GLI2: variants seen among roughly 807,000 people sequenced by gnomAD.
The protein encoded by GLI2 is GLI family zinc finger 2, also known as transcription activator GLI2.
In GLI2, 22 loss-of-function variants were observed where a neutral mutation model predicts 78.9. The ratio of observed to expected loss-of-function variants is 0.28; its 90% CI spans 0.20 to 0.40. The LOEUF (loss-of-function observed/expected upper bound fraction) is 0.40. Among genes scored for constraint, GLI2 ranks in the 10% least tolerant of loss-of-function variants. The pLI is 1.00. For missense variants in GLI2, 2,097 were observed against 2,213.2 expected (o/e 0.95, Z 1.05); for synonymous variants, 974 against 963.7 (o/e 1.01, Z -0.20).
intron 2 of GLI2, among the ~76,000 whole-genome samples, chr2:120,810,510 A>T (rs529008602): frequency 6.6e-6 from 1 of 152,086 alleles, no homozygotes; most frequent in East Asian, 1.9e-4. Context: ...TCCTGTCCTC[A>T]GGGAGGCCCA....
chr2:120,939,524 C>T (rs1017726671), intron 3 of GLI2, among the ~76,000 whole-genome samples: 2 of 152,140 alleles, frequency 1.3e-5, no homozygotes, highest in African/African-American at 2.4e-5. Flanking sequence ...TGTATTAATT[C>T]GTTTTGCTTT....
intron 2 of GLI2, among the ~76,000 whole-genome samples, chr2:120,904,698 C>A (rs1401103352): frequency 6.6e-6 from 1 of 152,196 alleles, no homozygotes; most frequent in Non-Finnish European, 1.5e-5. Flanking sequence ...ACGCTGGTGC[C>A]CTGGAGCCAC....
intron 9 of GLI2, 32 bp downstream of exon 9, chr2:120,975,141 C>T (rs764163189): frequency 2.1e-5 from 34 of 1,609,676 alleles, no homozygotes; most frequent in South Asian, 1.1e-4. Flanking sequence ...GCCCGCCAAC[C>T]GGGGCACGGC....
At chr2:120,961,816 A>G (rs7420788) in intron 5 of GLI2, among the ~76,000 whole-genome samples, 121,817 of 152,190 alleles carry the variant, frequency 0.8, 52,797 homozygotes, top group East Asian at 1. Context: ...ACCAGGCTGC[A>G]TCCTGCTGGC....
At chr2:120,948,334 T>C (rs752323445) in intron 3 of GLI2, among the ~76,000 whole-genome samples, 15 of 152,140 alleles carry the variant, frequency 9.9e-5, no homozygotes, top group Admixed American at 2.6e-4. Context: ...CAGAGACCCC[T>C]GGATGTCCCT....
intron 1 of GLI2, among the ~76,000 whole-genome samples, chr2:120,794,394 A>T (rs368926044): frequency 8.0e-4 from 122 of 152,234 alleles, no homozygotes; most frequent in African/African-American, 2.8e-3. Context: ...ACATGGGAAG[A>T]CTTTACCTGA....
At chr2:120,950,191 G>C (rs540414180) in intron 3 of GLI2, among the ~76,000 whole-genome samples, 57 of 152,338 alleles carry the variant, frequency 3.7e-4, no homozygotes, top group African/African-American at 1.3e-3. Flanking sequence ...GGCTCGGAGA[G>C]GTTACAGTGT....
intron 2 of GLI2, among the ~76,000 whole-genome samples, chr2:120,865,981 G>A (rs1410762012): frequency 6.6e-6 from 1 of 152,202 alleles, no homozygotes; most frequent in Non-Finnish European, 1.5e-5. Context: ...ACTCAGAGTG[G>A]GGATGCAGTT....
intron 2 of GLI2, among the ~76,000 whole-genome samples, chr2:120,913,910 C>G (rs1231762359): frequency 6.6e-6 from 1 of 152,240 alleles, no homozygotes. Flanking sequence ...TTACTGTCGT[C>G]TCAAGAGCTA....
chr2:120,937,209 T>C (rs1278095094), intron 3 of GLI2, among the ~76,000 whole-genome samples: 1 of 152,230 alleles, frequency 6.6e-6, no homozygotes, highest in Non-Finnish European at 1.5e-5. Context: ...TGCCAGGCAC[T>C]GGGGATACGG....
rs1683268527 is a variant in GLI2, at chr2:120,990,837, T to TG, written c.*165dup. The stretch of plus-strand genomic sequence containing the variant: ...GACAGATGTTGTAAGAGAAGGTTTA[T>TG]GGGCATCCTCTCTGGTCTTTTGGAT... On this transcript the variant is annotated 3_prime_UTR_variant, in exon 14 of 14. Coordinates refer to ENST00000361492, the MANE Select transcript of GLI2 (RefSeq NM_001374353.1). The TG allele has an allele frequency of 1.6e-6, 1 of 611,516 alleles. No individual in the cohort carries two copies. Among genetic ancestry groups the TG allele is most frequent in the African/African-American group, 1.8e-5 (1 of 54,104 alleles). The allele number at this position is 611,516 out of a possible 1,614,324, so 37.9% of individuals were successfully genotyped here.
chr2:120,917,128 C>T (rs568895478), intron 2 of GLI2, among the ~76,000 whole-genome samples: 4 of 152,290 alleles, frequency 2.6e-5, no homozygotes, highest in Non-Finnish European at 5.9e-5. Flanking sequence ...GTTGGGAGGG[C>T]GCTGGCCTTC....
intron 2 of GLI2, among the ~76,000 whole-genome samples, chr2:120,834,924 C>T (rs1686536347): frequency 6.6e-6 from 1 of 152,060 alleles, no homozygotes; most frequent in African/African-American, 2.4e-5. Context: ...CCCATGTTCT[C>T]TGGGCTAAAC....
chr2:120,961,063 T>C (rs944156626), intron 5 of GLI2, among the ~76,000 whole-genome samples: 2 of 152,120 alleles, frequency 1.3e-5, no homozygotes, highest in Non-Finnish European at 2.9e-5. Context: ...GTTATGCTGT[T>C]GAATATTGGT....
intron 3 of GLI2, among the ~76,000 whole-genome samples, chr2:120,932,704 G>T (rs557956284): frequency 6.6e-6 from 1 of 152,226 alleles, no homozygotes; most frequent in African/African-American, 2.4e-5. Flanking sequence ...TGAGTAAAGC[G>T]TCTAGAACAC....
intron 2 of GLI2, among the ~76,000 whole-genome samples, chr2:120,874,261 G>A (rs1014369834): frequency 2.0e-5 from 3 of 152,106 alleles, no homozygotes; most frequent in Admixed American, 1.3e-4. Flanking sequence ...CTGGCTGGCC[G>A]GCCCTTTTCA....
chr2:120,987,702 A>T (rs1683043822), intron 13 of GLI2, among the ~76,000 whole-genome samples: 1 of 152,174 alleles, frequency 6.6e-6, no homozygotes, highest in Admixed American at 6.5e-5. Flanking sequence ...CAGGAGACCA[A>T]CCTGGGCCTT....
Position 120,805,771 on chromosome 2 carries a change from G to A in GLI2, c.148+8303G>A, listed in dbSNP as rs184898650. ...TTTATGTTGGAAACATTTTTCTGAC[G>A]TTTGGTTCTGTCAAAACTAATTTTA... is the stretch of plus-strand genomic sequence containing the variant. On this transcript the variant is annotated intron_variant, in intron 2 of 13. Transcript: ENST00000361492. Among the ~76,000 whole-genome samples the A allele has an allele frequency of 1.1e-3, 175 of 152,316 alleles. 1 individual carries two copies. Among genetic ancestry groups the A allele is most frequent in the Admixed American group, 3.4e-3 (52 of 15,302 alleles).
At chr2:120,895,572 A>G (rs1386555794) in intron 2 of GLI2, among the ~76,000 whole-genome samples, 1 of 152,088 alleles carries the variant, frequency 6.6e-6, no homozygotes, top group African/African-American at 2.4e-5. Flanking sequence ...GCATGGTGAC[A>G]TGGGCCTGTA....
Sources: gnomAD v4.1 joint callset for allele counts (sites outside exome capture counted in the v4.1 genomes callset) on GRCh38, gnomAD v4.1.1 for gene constraint, MANE v1.5 for transcripts, NCBI Gene and HGNC (gene_info 2026-07-23, HGNC 2026-07-21) for gene names.